The following EYS variants were observed in gnomAD, a reference collection of about 807,000 sequenced individuals.
EYS encodes protein eyes shut homolog.
In EYS, 250 loss-of-function variants were observed where a neutral mutation model predicts 282.1. The ratio of observed to expected loss-of-function variants is 0.89; its 90% CI spans 0.80 to 0.98. The LOEUF is 0.98. EYS is among the 50% of genes least tolerant of loss of function. EYS has a pLI of 0.00. For synonymous variants in EYS, 1,355 were observed against 1,282.9 expected (o/e 1.06, Z -1.20); for missense variants, 4,016 against 3,709.0 (o/e 1.08, Z -2.15).
chr6:64,708,511 T>C (rs1176732700), intron 22 of EYS, among the ~76,000 whole-genome samples: 1 of 152,176 alleles, frequency 6.6e-6, no homozygotes, highest in African/African-American at 2.4e-5. Context: ...CAATTGTCCA[T>C]GGGTCTCTCA....
chr6:65,657,890 G>A (rs1224984461), intron 1 of EYS, among the ~76,000 whole-genome samples: 1 of 151,732 alleles, frequency 6.6e-6, no homozygotes, highest in Non-Finnish European at 1.5e-5. Context: ...AATTGTCAAA[G>A]ATATCCCAAC....
rs1236705592 is a variant in EYS at position 64,439,172 on chromosome 6, C to A, written c.5825G>T (p.Gly1942Val). Residue 1942 changes from glycine (G) to valine (V), a missense_variant, in exon 27 of 43, where the codon GGT (glycine) becomes GTT (valine). Transcript: ENST00000503581. ...GFFIQLFIEN[G>V]TLKYHFYCPG... is the part of the protein sequence containing the mutation. ...AACTGAATAACTTACCTTTAAAGTACCATTTTCAATAAACAATTGAATAAA... is the reference window on the plus strand; with the variant it reads ...AACTGAATAACTTACCTTTAAAGTAACATTTTCAATAAACAATTGAATAAA... 2 of 1,440,480 alleles carry A rather than the reference C, an allele frequency of 1.4e-6. No homozygotes were observed. The highest frequency in any genetic ancestry group is 2.7e-5 in the East Asian group (1 of 36,742). The allele number at this position is 1,440,480 out of a possible 1,614,324, so 89.2% of individuals were successfully genotyped here. A position where few individuals can be genotyped will look rare whatever the true frequency, so the allele number is the denominator to read the frequency against.
At chr6:65,491,431 T>C (rs751327443) in intron 4 of EYS, 4 of 312,682 alleles carry the variant, frequency 1.3e-5, no homozygotes, top group South Asian at 8.5e-5. Flanking sequence ...CAACTGCATG[T>C]AATTTGGCAA....
chr6:65,450,398 G>C (rs1413440862), intron 5 of EYS, among the ~76,000 whole-genome samples: 1 of 152,128 alleles, frequency 6.6e-6, no homozygotes, highest in Non-Finnish European at 1.5e-5. Flanking sequence ...GTATTTACGA[G>C]ATGTTACAGA....
At chr6:65,255,900 G>A (rs985709200) in intron 12 of EYS, among the ~76,000 whole-genome samples, 24 of 152,026 alleles carry the variant, frequency 1.6e-4, no homozygotes, top group African/African-American at 5.8e-4. Context: ...ACTCTCAGGA[G>A]GAATATGAAT....
chr6:64,130,459 A>G (rs552841480), intron 31 of EYS, among the ~76,000 whole-genome samples: 2 of 152,266 alleles, frequency 1.3e-5, no homozygotes, highest in African/African-American at 4.8e-5. Flanking sequence ...GAAAGGGAAC[A>G]TCACACACTG....
intron 15 of EYS, among the ~76,000 whole-genome samples, chr6:64,915,126 A>T (rs1768119191): frequency 6.6e-6 from 1 of 152,050 alleles, no homozygotes; most frequent in Admixed American, 6.6e-5. Context: ...AAAAATCTTT[A>T]TCTCCTATAT....
chr6:65,142,776 G>A (rs1181395897), intron 12 of EYS, among the ~76,000 whole-genome samples: 1 of 151,868 alleles, frequency 6.6e-6, no homozygotes, highest in Non-Finnish European at 1.5e-5. Context: ...CAAGCTTTAT[G>A]GTATTTTTCC....
In EYS at chr6:64,738,920, G is replaced by A. The variant is rs542415075; in HGVS notation, c.3443+74458C>T. ...TTACAGATGCCTGCCACCACATCCC[G>A]CTAATTTTTGTATTTTTAATTTTAA... On this transcript the variant is annotated intron_variant, in intron 22 of 42. Coordinates refer to ENST00000503581, the MANE Select transcript of EYS (RefSeq NM_001142800.2). Among the ~76,000 whole-genome samples, 12 of 152,190 alleles carry A rather than the reference G, an allele frequency of 7.9e-5. No homozygotes were observed. In the South Asian group the frequency reaches 1.2e-3, roughly 16 times the overall value.
intron 2 of EYS, among the ~76,000 whole-genome samples, chr6:65,572,379 G>A (rs1391064930): frequency 6.6e-6 from 1 of 151,980 alleles, no homozygotes; most frequent in Non-Finnish European, 1.5e-5. Flanking sequence ...AGGCACAGAA[G>A]CCAAAAATAA....
chr6:65,661,033 T>G (rs1383238805), intron 1 of EYS, among the ~76,000 whole-genome samples: 2 of 151,914 alleles, frequency 1.3e-5, no homozygotes, highest in Non-Finnish European at 2.9e-5. Flanking sequence ...AAATGCTAAA[T>G]TCTCAAAATA....
In EYS at chr6:65,408,937, A is replaced by G. The variant is rs192870159; in HGVS notation, c.863-3570T>C. On this transcript the variant is annotated intron_variant, in intron 5 of 42. Coordinates refer to ENST00000503581, the MANE Select transcript of EYS (RefSeq NM_001142800.2). Reference sequence around the variant, plus strand: ...ATTTCATAATTTTTCATATGGTTCCATGTTATTTTTTTCTTCTTTACTCTC... The same window carrying G: ...ATTTCATAATTTTTCATATGGTTCCGTGTTATTTTTTTCTTCTTTACTCTC... Among the ~76,000 whole-genome samples, 241 of 152,190 alleles carry G rather than the reference A, an allele frequency of 1.6e-3. 1 individual carries two copies. Among genetic ancestry groups the G allele is most frequent in the Non-Finnish European group, 2.6e-3 (177 of 67,984 alleles).
chr6:64,774,473 G>T (rs1233321227), intron 22 of EYS, among the ~76,000 whole-genome samples: 1 of 151,884 alleles, frequency 6.6e-6, no homozygotes, highest in African/African-American at 2.4e-5. Context: ...CCATGCATCT[G>T]CTTAGTGTGG....
chr6:64,574,739 T>C (rs1765828261), intron 26 of EYS, among the ~76,000 whole-genome samples: 1 of 152,222 alleles, frequency 6.6e-6, no homozygotes, highest in Non-Finnish European at 1.5e-5. Context: ...CCTGTGGGGT[T>C]AATAAAATAA....
At chr6:64,556,403 T>C (rs940457028) in intron 26 of EYS, among the ~76,000 whole-genome samples, 8 of 151,970 alleles carry the variant, frequency 5.3e-5, no homozygotes, top group African/African-American at 1.4e-4. Context: ...TATCGTCCCA[T>C]GTACATGATA....
intron 33 of EYS, among the ~76,000 whole-genome samples, chr6:64,054,619 T>C (rs1467984080): frequency 2.6e-5 from 4 of 152,170 alleles, no homozygotes; most frequent in African/African-American, 7.2e-5. Context: ...ATTTCAGGAA[T>C]GAGTTGTATA....
At chr6:64,984,647 G>A (rs1041733424) in intron 14 of EYS, among the ~76,000 whole-genome samples, 18 of 151,508 alleles carry the variant, frequency 1.2e-4, no homozygotes, top group African/African-American at 3.6e-4. Context: ...ATTGATAGAC[G>A]AGACTATTTT....
chr6:65,147,777 A>T (rs9294636), intron 12 of EYS, among the ~76,000 whole-genome samples: 2 of 152,070 alleles, frequency 1.3e-5, no homozygotes, highest in African/African-American at 2.4e-5. Flanking sequence ...ATAAAGAAAA[A>T]TAGTTTAATT....
chr6:64,832,609 GATAA>G (rs1273148891), intron 19 of EYS, among the ~76,000 whole-genome samples: 2 of 151,736 alleles, frequency 1.3e-5, no homozygotes, highest in African/African-American at 2.4e-5. Context: ...CCACAAAAAA[GATAA>G]ATAAATAACA....
Sources: gnomAD v4.1 joint callset for allele counts (sites outside exome capture counted in the v4.1 genomes callset) on GRCh38, gnomAD v4.1.1 for gene constraint, MANE v1.5 for transcripts, NCBI Gene and HGNC (gene_info 2026-07-23, HGNC 2026-07-21) for gene names.